Variants in LYPD5 observed in about 807,000 individuals in gnomAD.
The protein encoded by LYPD5 is LY6/PLAUR domain containing 5, also known as ly6/PLAUR domain-containing protein 5.
A neutral mutation model predicts 19.1 loss-of-function variants in LYPD5; 21 were observed. That is an observed-to-expected ratio of 1.10 (90% CI 0.78 to 1.58). The LOEUF is 1.58. Ranked by LOEUF, LYPD5 falls within the 40% of genes most tolerant of loss-of-function variation. The pLI, the probability that LYPD5 is intolerant of heterozygous loss-of-function variation, is 0.00. For missense variants in LYPD5, 287 were observed against 329.8 expected (o/e 0.87, Z 1.00); for synonymous variants, 128 against 142.7 (o/e 0.90, Z 0.74).
intron 1 of LYPD5, among the ~76,000 whole-genome samples, chr19:43,809,070 T>C (rs940900863): frequency 9.9e-5 from 15 of 152,200 alleles, no homozygotes; most frequent in African/African-American, 3.6e-4. Context: ...ACAAGAGTCT[T>C]GCCCTGTCAC....
chr19:43,798,850 T>C lies in LYPD5; in HGVS notation c.332A>G (p.His111Arg), dbSNP rs1208627151. ...GGGGAGGGCGTCATGAGTCATGAGGTGGGCGTTGCATTTGTCAGTTGTGCA... is the reference window on the plus strand; with the variant it reads ...GGGGAGGGCGTCATGAGTCATGAGGCGGGCGTTGCATTTGTCAGTTGTGCA... ...RGCTTDKCNA[H>R]LMTHDALPNL... The change falls in exon 3 of 5, where the codon CAC becomes CGC. Residue 111 changes from histidine (H) to arginine (R), a missense_variant. Transcript: ENST00000377950. 1 of 1,611,026 alleles carries C rather than the reference T, an allele frequency of 6.2e-7. No individual in the cohort carries two copies.
intron 1 of LYPD5, among the ~76,000 whole-genome samples, chr19:43,802,084 T>C (rs1970228689): frequency 6.6e-6 from 1 of 151,910 alleles, no homozygotes; most frequent in Non-Finnish European, 1.5e-5. Context: ...GAAAATGACA[T>C]AGCCTCCAGG....
chr19:43,802,536 G>GTTTTTTTCTGA, upstream of LYPD5: 1 of 619,496 alleles, frequency 1.6e-6, no homozygotes, highest in Non-Finnish European at 2.9e-6. Flanking sequence ...AGGTAATCGT[G>GTTTTTTTCTGA]ATGGAAACAG....
chr19:43,813,393 C>A (rs1443141942), intron 1 of LYPD5, among the ~76,000 whole-genome samples: 1 of 152,188 alleles, frequency 6.6e-6, no homozygotes, highest in Non-Finnish European at 1.5e-5. Context: ...CTTCCTGAGG[C>A]CTCACCAGAA....
intron 1 of LYPD5, among the ~76,000 whole-genome samples, chr19:43,810,355 T>TA (rs967987204): frequency 1.3e-5 from 2 of 152,014 alleles, no homozygotes; most frequent in African/African-American, 4.8e-5. Context: ...GTGTTTTTTT[T>TA]AGACAGGGTC....
intron 1 of LYPD5, among the ~76,000 whole-genome samples, chr19:43,800,493 T>C (rs576084970): frequency 3.9e-5 from 6 of 152,250 alleles, no homozygotes; most frequent in Non-Finnish European, 7.3e-5. Context: ...AGCGTATGTC[T>C]GTGAGGATGC....
chr19:43,809,162 C>T (rs1970296976), intron 1 of LYPD5, among the ~76,000 whole-genome samples: 1 of 150,122 alleles, frequency 6.7e-6, no homozygotes, highest in African/African-American at 2.5e-5. Context: ...GCCTCAGCCT[C>T]CCGAGTAGCT....
At chr19:43,798,683 G>C (rs1970172294) in intron 3 of LYPD5, 82 bp from the exon 4 acceptor site, 1 of 1,584,764 alleles carries the variant, frequency 6.3e-7, no homozygotes, top group Middle Eastern at 2.0e-4. Context: ...CAGAGCCCGC[G>C]CCTAGCACGT....
chr19:43,797,461 A>C lies in LYPD5; in HGVS notation c.*130T>G. On this transcript the variant is annotated 3_prime_UTR_variant, in exon 5 of 5. Transcript: ENST00000377950. ...AGGTTGTGGGGCACAAGGGCGGGAG[A>C]GATGGAAGGCCAGAGGGACAGGAGT... 1 of 776,180 alleles carries C rather than the reference A, an allele frequency of 1.3e-6. No homozygotes were observed. The allele number at this position is 776,180 out of a possible 1,614,324, so 48.1% of individuals were successfully genotyped here. A position where few individuals can be genotyped will look rare whatever the true frequency, so the allele number is the denominator to read the frequency against.
chr19:43,797,819 T>G lies in LYPD5; in HGVS notation c.528A>C (p.Ser176=). The change falls in exon 5 of 5, where the codon TCA becomes TCC. Residue 176 remains serine (S), a synonymous_variant. Coordinates refer to ENST00000377950, the MANE Select transcript of LYPD5 (RefSeq NM_001031749.3). ...GNGRMTVGNF[S]VPVYIRTCHR... ...GGCAGGTTCTGATGTACACAGGGAC[T>G]GAGAAATTGCCTGGAGGTGGGCAAA... 1 of 1,612,834 alleles carries G rather than the reference T, an allele frequency of 6.2e-7. No individual in the cohort carries two copies. The highest frequency in any genetic ancestry group is 8.5e-7 in the Non-Finnish European group (1 of 1,179,272).
At chr19:43,798,251 C>A (rs538471100) in intron 4 of LYPD5, among the ~76,000 whole-genome samples, 20 of 132,094 alleles carry the variant, frequency 1.5e-4, no homozygotes, top group African/African-American at 5.6e-4. Context: ...CTCCCTCAGA[C>A]CAGGGCCAAA....
At chr19:43,810,583 C>T (rs1970313960) in intron 1 of LYPD5, among the ~76,000 whole-genome samples, 1 of 117,786 alleles carries the variant, frequency 8.5e-6, no homozygotes, top group African/African-American at 3.1e-5. Flanking sequence ...CCCCTCCCTT[C>T]CCCTCCTCTC....
At chr19:43,802,796 G>A (rs532340194), upstream of LYPD5, among the ~76,000 whole-genome samples, 1 of 151,880 alleles carries the variant, frequency 6.6e-6, no homozygotes, top group African/African-American at 2.4e-5. Flanking sequence ...CACGTTCATC[G>A]TCCCATCATC....
At chr19:43,820,065 C>T (rs1325766908) in intron 1 of LYPD5, among the ~76,000 whole-genome samples, 2 of 151,260 alleles carry the variant, frequency 1.3e-5, no homozygotes, top group Non-Finnish European at 3.0e-5. Flanking sequence ...TGTCACTCTA[C>T]ACACAAACCC....
In LYPD5 at chr19:43,798,920, A is replaced by T; in HGVS notation, c.262T>A (p.Ser88Thr). Residue 88 changes from serine to threonine, a missense_variant, in exon 3 of 5, where the codon TCG becomes ACG. Transcript: ENST00000377950. ...WTGPPAGQTQ[S>T]NADALPPDYS... ...TCTGGCGGCAGCGCGTCCGCGTTCGATTGCGTCTGGCCCGCAGGAGGCCCG... is the reference window on the plus strand; with the variant it reads ...TCTGGCGGCAGCGCGTCCGCGTTCGTTTGCGTCTGGCCCGCAGGAGGCCCG... The T allele has an allele frequency of 6.3e-7, 1 of 1,595,514 alleles. No homozygotes were observed. The highest frequency in any genetic ancestry group is 8.5e-7 in the Non-Finnish European group (1 of 1,171,816).
intron 2 of LYPD5, 116 bp downstream of exon 2, chr19:43,799,590 C>T: frequency 1.7e-6 from 2 of 1,161,076 alleles, no homozygotes; most frequent in Non-Finnish European, 2.4e-6. Context: ...TCTCCCTCCC[C>T]ATCTTTCTAT....
At chr19:43,814,180 G>C (rs1427436720) in intron 1 of LYPD5, among the ~76,000 whole-genome samples, 1 of 152,136 alleles carries the variant, frequency 6.6e-6, no homozygotes, top group Non-Finnish European at 1.5e-5. Flanking sequence ...TCTGCACATT[G>C]GGCCACATCT....
chr19:43,815,613 C>A lies in LYPD5; in HGVS notation c.-66+4927G>T, dbSNP rs887930435. ...ACCAAAAACCAGCTATAAAAGACAC[C>A]TAGAACTATTAAAAAAAGAGAAAAA... On this transcript the variant is annotated intron_variant, in intron 1 of 4. Coordinates refer to the LYPD5 transcript ENST00000414615. 1.6e-5 allele frequency: 3 copies of A among 186,620 alleles called. No individual in the cohort carries two copies. In the South Asian group the frequency reaches 2.7e-4, roughly 17 times the overall value. 11.6% of individuals were successfully genotyped at this position (186,620 alleles called of 1,614,324 possible).
chr19:43,819,287 T>C (rs1397228091), intron 1 of LYPD5, among the ~76,000 whole-genome samples: 17 of 145,080 alleles, frequency 1.2e-4, no homozygotes, highest in Non-Finnish European at 2.1e-4. Context: ...CTTCTTCTTT[T>C]TTTTTTTTTT....
Sources: allele counts gnomAD v4.1 joint callset (sites outside exome capture counted in the v4.1 genomes callset), GRCh38; gene constraint gnomAD v4.1.1; transcripts MANE v1.5; gene names NCBI Gene and HGNC (gene_info 2026-07-23, HGNC 2026-07-21).